LRP5: variants seen among roughly 807,000 people sequenced by gnomAD.
LRP5 encodes the protein LDL receptor related protein 5.
LRP5 carries 62 observed loss-of-function variants against 154.1 expected under a neutral mutation model. That is an observed-to-expected ratio of 0.40 (90% CI 0.33 to 0.50). The LOEUF (loss-of-function observed/expected upper bound fraction) is 0.50, where lower values mean the gene tolerates loss of function less well. Ranked by LOEUF, LRP5 falls within the 20% of genes least tolerant of loss-of-function variation. LRP5 has a pLI of 0.55. For synonymous variants in LRP5, 966 were observed against 1,011.5 expected (o/e 0.96, Z 0.85); for missense variants, 1,915 against 2,336.7 (o/e 0.82, Z 3.72).
chr11:68,366,893 G>T (rs1035358262), intron 5 of LRP5, among the ~76,000 whole-genome samples: 3 of 150,306 alleles, frequency 2.0e-5, no homozygotes, highest in Non-Finnish European at 4.4e-5. Context: ...CATTCAGCAG[G>T]CATTTGTCGA....
In LRP5 at chr11:68,425,181, C is replaced by G. The variant is rs2098668002; in HGVS notation, c.3316C>G (p.Leu1106Val). 1 of 1,613,748 alleles carries G rather than the reference C, an allele frequency of 6.2e-7. No individual in the cohort carries two copies. The highest frequency in any genetic ancestry group is 2.2e-5 in the East Asian group (1 of 44,884). The change falls in exon 15 of 23, where the codon CTC (leucine) becomes GTC (valine). Residue 1106 changes from leucine to valine, a missense_variant. Leu to Val is a conservative substitution (Grantham distance 32, BLOSUM62 1). This residue lies in a region of LRP5 where 1,094 missense variants were observed against 1,210.1 expected (regional missense o/e 0.90). Coordinates refer to ENST00000294304, the MANE Select transcript of LRP5 (RefSeq NM_002335.4). ...CCTGGACGGCACCGAGCGCGAGGTC[C>G]TCTTCACCACCGGCCTCATCCGCCC... The part of the protein sequence containing the change: ...AALDGTEREV[L>V]FTTGLIRPVA...
intron 7 of LRP5, among the ~76,000 whole-genome samples, chr11:68,401,791 C>T (rs182872682): frequency 1.4e-3 from 216 of 152,240 alleles, no homozygotes; most frequent in African/African-American, 5.0e-3. Context: ...TGCGTTCCAG[C>T]GATTCTCCTG....
intron 1 of LRP5, among the ~76,000 whole-genome samples, chr11:68,314,289 C>T (rs1418597782): frequency 1.3e-5 from 2 of 152,096 alleles, no homozygotes; most frequent in African/African-American, 2.4e-5. Flanking sequence ...AGTCAAATGC[C>T]TGTCGTCCAT....
chr11:68,397,346 C>T (rs961278228), intron 7 of LRP5, among the ~76,000 whole-genome samples: 2 of 152,162 alleles, frequency 1.3e-5, no homozygotes, highest in Admixed American at 6.5e-5. Context: ...CTCTGTGGGT[C>T]TCTGAGGCCC....
chr11:68,435,497 A>C (rs1196722095), intron 18 of LRP5, among the ~76,000 whole-genome samples: 3 of 151,012 alleles, frequency 2.0e-5, no homozygotes, highest in Non-Finnish European at 3.0e-5. Context: ...AGAGAGAGAG[A>C]GCGCCTCTCC....
chr11:68,384,154 C>T (rs2098641728), intron 5 of LRP5, among the ~76,000 whole-genome samples: 1 of 152,166 alleles, frequency 6.6e-6, no homozygotes. Flanking sequence ...CACTCCGGGG[C>T]TTGGAGCAGG....
intron 2 of LRP5, among the ~76,000 whole-genome samples, chr11:68,354,835 T>C (rs1363629502): frequency 6.6e-6 from 1 of 152,222 alleles, no homozygotes; most frequent in African/African-American, 2.4e-5. Context: ...CTTTGTTGGT[T>C]GGGTTCTCAC....
intron 5 of LRP5, among the ~76,000 whole-genome samples, chr11:68,374,346 A>T (rs2098636153): frequency 6.6e-6 from 1 of 152,208 alleles, no homozygotes; most frequent in African/African-American, 2.4e-5. Flanking sequence ...AAGGGAAAAA[A>T]GAAAGGAGGT....
At position 68,423,155 on chromosome 11, in the gene LRP5, C is replaced by T. The variant is rs1018875332; in HGVS notation, c.3028-334C>T. On this transcript the variant is annotated intron_variant, in intron 13 of 22. Coordinates refer to ENST00000294304, the MANE Select transcript of LRP5 (RefSeq NM_002335.4). This position sits in a 1 kb window ranked among gnomAD's most constrained non-coding sequence, Gnocchi z 4.7. ...TAGTGATGCACAGCTGGGTGCCCGG[C>T]GGGTGGCTGAGGAGGCCTAAAGTCC... Among the ~76,000 whole-genome samples the T allele has an allele frequency of 1.3e-5, 2 of 152,118 alleles. No homozygotes were observed. Among genetic ancestry groups the T allele is most frequent in the Non-Finnish European group, 2.9e-5 (2 of 68,022 alleles).
chr11:68,372,347 G>T (rs112377666), intron 5 of LRP5, among the ~76,000 whole-genome samples: 76 of 129,490 alleles, frequency 5.9e-4, no homozygotes, highest in African/African-American at 2.1e-3. Flanking sequence ...TGTGGTGGTG[G>T]TGAGGAGGTG....
chr11:68,345,184 A>G (rs1048691177), intron 1 of LRP5, among the ~76,000 whole-genome samples: 1 of 150,778 alleles, frequency 6.6e-6, no homozygotes. Context: ...CCTTTTTGAG[A>G]CTGAATAGTA....
chr11:68,340,753 T>C (rs1394313879), intron 1 of LRP5, among the ~76,000 whole-genome samples: 1 of 152,312 alleles, frequency 6.6e-6, no homozygotes, highest in Non-Finnish European at 1.5e-5. Context: ...TAGGAACATA[T>C]ATGGAATTTG....
rs551250526 is a variant in LRP5, at chr11:68,348,368, G to C, written c.488+125G>C. 2.1e-4 allele frequency: 268 copies of C among 1,305,640 alleles called. 2 individuals carry two copies. In the South Asian group the frequency reaches 2.9e-3, roughly 14 times the overall value. 80.9% of individuals were successfully genotyped at this position (1,305,640 alleles called of 1,614,324 possible). A position where few individuals can be genotyped will look rare whatever the true frequency, so the allele number is the denominator to read the frequency against. ...TGTGACTCTGAAAATGAACCCGTGG[G>C]GGGGTTGGCTCAGGCCTGTAACCCC... On this transcript the variant is annotated intron_variant, in intron 2 of 22. Transcript: ENST00000294304.
chr11:68,422,651 G>A (rs768808289), intron 13 of LRP5, among the ~76,000 whole-genome samples: 18 of 152,148 alleles, frequency 1.2e-4, no homozygotes, highest in Non-Finnish European at 2.4e-4. Context: ...AGAGAGTGTG[G>A]AGACGGAGAG....
intron 1 of LRP5, among the ~76,000 whole-genome samples, chr11:68,321,236 C>T (rs1249972514): frequency 6.6e-6 from 1 of 152,112 alleles, no homozygotes; most frequent in Non-Finnish European, 1.5e-5. Flanking sequence ...CACTGTGCTC[C>T]ACTGCCTGTG....
chr11:68,386,265 G>T lies in LRP5; in HGVS notation c.1016-51G>T. 1 of 1,603,660 alleles carries T rather than the reference G, an allele frequency of 6.2e-7. No homozygotes were observed. The highest frequency in any genetic ancestry group is 8.5e-7 in the Non-Finnish European group (1 of 1,179,086). Reference sequence around the variant, plus strand: ...CCCGGCCCACCCCAGGCCTAGACTTGTGCCTGCTGCAGGCCCTTGACCCCT... The same window carrying T: ...CCCGGCCCACCCCAGGCCTAGACTTTTGCCTGCTGCAGGCCCTTGACCCCT... On this transcript the variant is annotated intron_variant, in intron 5 of 22. Coordinates refer to ENST00000294304, the MANE Select transcript of LRP5 (RefSeq NM_002335.4). The surrounding 1 kb of genome is among the most constrained non-coding windows in gnomAD (Gnocchi z 7.9).
chr11:68,351,558 G>A lies in LRP5; in HGVS notation c.488+3315G>A, dbSNP rs12285801. 7.9e-3 allele frequency among the ~76,000 whole-genome samples: 1,209 copies of A among 152,252 alleles called. 12 individuals are homozygous for A. The highest frequency in any genetic ancestry group is 0.026 in the African/African-American group (1,088 of 41,542). On this transcript the variant is annotated intron_variant, in intron 2 of 22. Transcript: ENST00000294304. Reference sequence around the variant, plus strand: ...CTCACCAGCGGCTGCCATGGCCATCGTGTCGCCAGGACCTGCGCTCCTCCT... The same window carrying A: ...CTCACCAGCGGCTGCCATGGCCATCATGTCGCCAGGACCTGCGCTCCTCCT...
chr11:68,306,328 A>G, the LRP5 span, among the ~76,000 whole-genome samples: 9 of 151,510 alleles, frequency 5.9e-5, no homozygotes, highest in Non-Finnish European at 1.3e-4. Context: ...TAGAGATGGG[A>G]TTTCATCATG....
intron 2 of LRP5, 73 bp downstream of exon 2, chr11:68,348,316 A>G: frequency 6.3e-7 from 1 of 1,582,516 alleles, no homozygotes. Flanking sequence ...AATTTGCATG[A>G]GCCCAAGTTG....
Sources: gnomAD v4.1 joint callset for allele counts (sites outside exome capture counted in the v4.1 genomes callset) on GRCh38, gnomAD v4.1.1 for gene constraint, gnomAD v4.1.1 regional missense constraint, Gnocchi (gnomAD v3.1) non-coding constraint, MANE v1.5 for transcripts, NCBI Gene and HGNC (gene_info 2026-07-23, HGNC 2026-07-21) for gene names.